Variants in PMFBP1 observed in about 807,000 individuals in gnomAD.
PMFBP1 encodes the protein polyamine modulated factor 1 binding protein 1.
PMFBP1 carries 131 observed loss-of-function variants against 137.8 expected under a neutral mutation model. That is an observed-to-expected ratio of 0.95 (90% CI 0.82 to 1.10). The LOEUF is 1.10. Ranked by LOEUF, PMFBP1 falls within the 50% of genes least tolerant of loss-of-function variation. The pLI is 0.00. For synonymous variants in PMFBP1, 490 were observed against 450.4 expected (o/e 1.09, Z -1.11); for missense variants, 1,199 against 1,175.4 (o/e 1.02, Z -0.29).
the PMFBP1 span, among the ~76,000 whole-genome samples, chr16:72,195,670 C>G: frequency 6.6e-6 from 1 of 152,256 alleles, no homozygotes. Flanking sequence ...TACTACTACT[C>G]TCTTTCATTA....
At position 72,129,101 on chromosome 16, in the gene PMFBP1, C is replaced by T; in HGVS notation, c.1915G>A (p.Ala639Thr). The T allele has an allele frequency of 1.2e-6, 2 of 1,614,180 alleles. No homozygotes were observed. The highest frequency in any genetic ancestry group is 1.7e-6 in the Non-Finnish European group (2 of 1,180,030). Residue 639 changes from alanine to threonine, a missense_variant, in exon 13 of 21, where the codon GCT (alanine) becomes ACT (threonine). Transcript: ENST00000237353. ...HEKLMEGELE[A>T]LRQEFKKKDK... ...TTCTTTTTAAATTCCTGCCGCAAAG[C>T]TTCAAGTTCTCCCTCCATCAGCTTC...
In PMFBP1 at chr16:72,164,745, C is replaced by A; in HGVS notation, c.165+19G>T. The A allele has an allele frequency of 6.4e-7, 1 of 1,573,996 alleles. No homozygotes were observed. The highest frequency in any genetic ancestry group is 8.7e-7 in the Non-Finnish European group (1 of 1,154,276). ...AAGTCAAGAGAGCAGGGGTGAGCGGCTGCTGCCAAGTCCCTTACGTGGCTG... is the reference window on the plus strand; with the variant it reads ...AAGTCAAGAGAGCAGGGGTGAGCGGATGCTGCCAAGTCCCTTACGTGGCTG... On this transcript the variant is annotated intron_variant, in intron 3 of 20. Coordinates refer to ENST00000237353, the MANE Select transcript of PMFBP1 (RefSeq NM_031293.3).
At chr16:72,194,379 TGCAGTGG>T in the PMFBP1 span, among the ~76,000 whole-genome samples, 1 of 152,198 alleles carries the variant, frequency 6.6e-6, no homozygotes, top group Non-Finnish European at 1.5e-5. Flanking sequence ...TCTCTATTTC[TGCAGTGG>T]GCTTTCTTCC....
chr16:72,235,903 A>G, the PMFBP1 span, among the ~76,000 whole-genome samples: 5 of 152,080 alleles, frequency 3.3e-5, no homozygotes, highest in Non-Finnish European at 7.4e-5. Flanking sequence ...GGATTGCTTA[A>G]GATTTTCTAC....
At chr16:72,198,475 T>G in the PMFBP1 span, among the ~76,000 whole-genome samples, 2 of 152,142 alleles carry the variant, frequency 1.3e-5, no homozygotes, top group Non-Finnish European at 2.9e-5. Context: ...AATAATAGCT[T>G]CCCTCTCCCT....
At chr16:72,174,030 T>C (rs1031997152), upstream of PMFBP1, 1 of 152,228 alleles carries the variant, frequency 6.6e-6, no homozygotes, top group Non-Finnish European at 1.5e-5. Context: ...ACTCCTGCCA[T>C]CTGCTTTTCA....
intron 7 of PMFBP1, 62 bp downstream of exon 7, chr16:72,139,227 G>T: frequency 8.7e-7 from 1 of 1,153,546 alleles, no homozygotes; most frequent in Non-Finnish European, 1.3e-6. Context: ...AAGTAGGAAA[G>T]CCCAGAATCA....
At chr16:72,182,679 C>A in the PMFBP1 span, among the ~76,000 whole-genome samples, 2 of 152,184 alleles carry the variant, frequency 1.3e-5, no homozygotes, top group African/African-American at 2.4e-5. Context: ...AGAAGTGTAA[C>A]TCCAAAAATA....
chr16:72,240,573 T>A, the PMFBP1 span, among the ~76,000 whole-genome samples: 1 of 152,250 alleles, frequency 6.6e-6, no homozygotes, highest in Non-Finnish European at 1.5e-5. Context: ...ATGATTCTTA[T>A]CTCTTCCTTA....
At chr16:72,167,184 A>T (rs1468090998) in intron 2 of PMFBP1, among the ~76,000 whole-genome samples, 2 of 152,212 alleles carry the variant, frequency 1.3e-5, no homozygotes, top group Non-Finnish European at 2.9e-5. Context: ...CCGGAGGACA[A>T]CGGTGAGAAT....
intron 19 of PMFBP1, 83 bp downstream of exon 19, chr16:72,122,831 A>G: frequency 1.5e-6 from 2 of 1,336,488 alleles, no homozygotes; most frequent in Non-Finnish European, 2.1e-6. Flanking sequence ...TCCCCCTATC[A>G]AGGGCTAAAG....
At chr16:72,204,093 G>C in the PMFBP1 span, among the ~76,000 whole-genome samples, 2 of 152,116 alleles carry the variant, frequency 1.3e-5, no homozygotes, top group African/African-American at 4.8e-5. Context: ...TCCCAAGCTG[G>C]AAGCAGATTT....
At chr16:72,164,440 G>T in intron 3 of PMFBP1, 2 of 1,345,408 alleles carry the variant, frequency 1.5e-6, no homozygotes, top group Non-Finnish European at 1.9e-6. Flanking sequence ...CATAGCAGAC[G>T]CTGCTCCCCT....
upstream of PMFBP1, among the ~76,000 whole-genome samples, chr16:72,177,070 A>G (rs548952912): frequency 6.6e-6 from 1 of 152,196 alleles, no homozygotes; most frequent in Admixed American, 6.5e-5. Context: ...TGCCACCACT[A>G]TTACTCCCAT....
chr16:72,159,116 T>G (rs2043024652), intron 3 of PMFBP1, among the ~76,000 whole-genome samples: 1 of 152,176 alleles, frequency 6.6e-6, no homozygotes, highest in South Asian at 2.1e-4. Flanking sequence ...ATTCTTTGCT[T>G]CTCTTTGCTT....
intron 10 of PMFBP1, among the ~76,000 whole-genome samples, chr16:72,132,093 C>T (rs975754005): frequency 2.0e-5 from 3 of 152,186 alleles, no homozygotes; most frequent in Non-Finnish European, 4.4e-5. Flanking sequence ...GATCCGCCCA[C>T]CTTGGCCTCC....
intron 19 of PMFBP1, among the ~76,000 whole-genome samples, chr16:72,121,717 TG>T (rs2042379540): frequency 6.6e-6 from 1 of 152,136 alleles, no homozygotes; most frequent in Non-Finnish European, 1.5e-5. Context: ...CTCAACCTCT[TG>T]GGCTCAAGCA....
the PMFBP1 span, among the ~76,000 whole-genome samples, chr16:72,238,352 G>A: frequency 6.6e-6 from 1 of 152,198 alleles, no homozygotes; most frequent in East Asian, 1.9e-4. Context: ...TCTGACTGGT[G>A]TGAAATGGTA....
intron 5 of PMFBP1, among the ~76,000 whole-genome samples, chr16:72,144,381 G>C (rs1214056277): frequency 6.6e-6 from 1 of 152,142 alleles, no homozygotes; most frequent in Non-Finnish European, 1.5e-5. Context: ...ATTAAAACAA[G>C]CTACCAGTTA....
Sources: allele counts gnomAD v4.1 joint callset (sites outside exome capture counted in the v4.1 genomes callset), GRCh38; gene constraint gnomAD v4.1.1; transcripts MANE v1.5; gene names NCBI Gene and HGNC (gene_info 2026-07-23, HGNC 2026-07-21).